Variants in QTMAN observed in about 807,000 individuals in gnomAD.
QTMAN encodes queuosine-tRNA mannosyltransferase.
chr2:144,109,195 A>G, the QTMAN span, among the ~76,000 whole-genome samples: 1 of 152,242 alleles, frequency 6.6e-6, no homozygotes, highest in Non-Finnish European at 1.5e-5. Flanking sequence ...ACCAAAACAG[A>G]GAAATAGACC....
the QTMAN span, among the ~76,000 whole-genome samples, chr2:144,147,275 AT>A: frequency 3.3e-5 from 5 of 151,598 alleles, no homozygotes; most frequent in Non-Finnish European, 5.9e-5. Flanking sequence ...AAAAAAAAAA[AT>A]CTTACCAAGG....
chr2:144,114,685 T>TACAAA, the QTMAN span, among the ~76,000 whole-genome samples: 59,815 of 149,556 alleles, frequency 0.4, 12,298 homozygotes, highest in East Asian at 0.52. Flanking sequence ...GTGCCCACAC[T>TACAAA]ACAAAACAAA....
chr2:144,012,666 G>A, the QTMAN span, among the ~76,000 whole-genome samples: 1 of 152,092 alleles, frequency 6.6e-6, no homozygotes, highest in Non-Finnish European at 1.5e-5. Flanking sequence ...ACTTACTATG[G>A]TAAGTTCAAC....
the QTMAN span, among the ~76,000 whole-genome samples, chr2:144,189,899 G>A: frequency 1.1e-4 from 16 of 152,280 alleles, no homozygotes; most frequent in South Asian, 3.1e-3. Context: ...TGGGATTACA[G>A]GTGTGAGCCA....
the QTMAN span, among the ~76,000 whole-genome samples, chr2:144,215,513 T>G: frequency 6.6e-6 from 1 of 152,130 alleles, no homozygotes; most frequent in African/African-American, 2.4e-5. Flanking sequence ...GTTCAATATA[T>G]TATTGTGAGG....
At chr2:144,097,127 A>G in the QTMAN span, among the ~76,000 whole-genome samples, 1 of 152,348 alleles carries the variant, frequency 6.6e-6, no homozygotes, top group Non-Finnish European at 1.5e-5. Context: ...ATACACACAT[A>G]CAATCCACAC....
chr2:144,107,325 T>A, the QTMAN span, among the ~76,000 whole-genome samples: 3 of 152,098 alleles, frequency 2.0e-5, no homozygotes, highest in Non-Finnish European at 2.9e-5. Context: ...GGAGATGGTT[T>A]TTTGAAAACA....
chr2:144,140,408 T>C, the QTMAN span, among the ~76,000 whole-genome samples: 1 of 152,108 alleles, frequency 6.6e-6, no homozygotes, highest in East Asian at 1.9e-4. Context: ...ATTTTGCCTA[T>C]ATGTGATATT....
chr2:144,161,473 C>G, the QTMAN span, among the ~76,000 whole-genome samples: 22,763 of 151,924 alleles, frequency 0.15, 4,370 homozygotes, highest in African/African-American at 0.45. Context: ...TCATATCTTA[C>G]CAGAAAGAAG....
At chr2:144,019,967 G>A in the QTMAN span, among the ~76,000 whole-genome samples, 6 of 152,060 alleles carry the variant, frequency 3.9e-5, no homozygotes, top group East Asian at 3.9e-4. Context: ...GTCAACAAGC[G>A]CTGTCTCTGA....
chr2:143,996,856 G>T, the QTMAN span, among the ~76,000 whole-genome samples: 1 of 152,126 alleles, frequency 6.6e-6, no homozygotes, highest in South Asian at 2.1e-4. Flanking sequence ...GGTGGGGAAA[G>T]AAATGACAAG....
the QTMAN span, among the ~76,000 whole-genome samples, chr2:144,185,959 G>A: frequency 2.0e-5 from 3 of 152,198 alleles, no homozygotes; most frequent in Non-Finnish European, 4.4e-5. Flanking sequence ...GGCAGGCAAT[G>A]TATGTTTGCC....
the QTMAN span, among the ~76,000 whole-genome samples, chr2:144,276,245 C>T: frequency 6.6e-6 from 1 of 152,052 alleles, no homozygotes; most frequent in Non-Finnish European, 1.5e-5. Flanking sequence ...TGGGGTCTTA[C>T]GATGTTGCCC....
the QTMAN span, among the ~76,000 whole-genome samples, chr2:144,164,599 C>A: frequency 1.3e-5 from 2 of 152,114 alleles, no homozygotes; most frequent in African/African-American, 4.8e-5. Context: ...GACTTAATTA[C>A]TCCAGATCTT....
At chr2:144,196,124 A>G in the QTMAN span, among the ~76,000 whole-genome samples, 1 of 151,988 alleles carries the variant, frequency 6.6e-6, no homozygotes. Flanking sequence ...ATACTAAGCA[A>G]TGATACAAAA....
At chr2:143,939,793 T>G in the QTMAN span, 3 of 152,246 alleles carry the variant, frequency 2.0e-5, no homozygotes, top group Non-Finnish European at 2.9e-5. Context: ...CTCTTCTTAA[T>G]GTAACATTCA....
chr2:144,297,916 G>C, the QTMAN span, among the ~76,000 whole-genome samples: 4 of 151,780 alleles, frequency 2.6e-5, no homozygotes, highest in African/African-American at 7.2e-5. Context: ...AAAAGTCTTA[G>C]ATCATTAGGG....
At chr2:144,249,070 G>C in the QTMAN span, among the ~76,000 whole-genome samples, 1 of 152,196 alleles carries the variant, frequency 6.6e-6, no homozygotes, top group Non-Finnish European at 1.5e-5. Context: ...CTCTTTATGT[G>C]AGTGTAGGAT....
At chr2:144,305,655 T>C in the QTMAN span, among the ~76,000 whole-genome samples, 1 of 152,206 alleles carries the variant, frequency 6.6e-6, no homozygotes, top group Admixed American at 6.5e-5. Flanking sequence ...GCAGCTGAGA[T>C]TGCCTTGAAT....
Sources: allele counts gnomAD v4.1 joint callset (sites outside exome capture counted in the v4.1 genomes callset), GRCh38; gene constraint gnomAD v4.1.1; transcripts MANE v1.5; gene names NCBI Gene and HGNC (gene_info 2026-07-23, HGNC 2026-07-21).